The following DGKE variants were observed in gnomAD, a reference collection of about 807,000 sequenced individuals.
DGKE encodes the protein DAG kinase epsilon.
A neutral mutation model predicts 70.0 loss-of-function variants in DGKE; 53 were observed. The ratio of observed to expected loss-of-function variants is 0.76; its 90% CI spans 0.61 to 0.95. DGKE has a LOEUF of 0.95. Ranked by LOEUF, DGKE falls within the 40% of genes least tolerant of loss-of-function variation. DGKE has a pLI of 0.00. For missense variants in DGKE, 655 were observed against 706.9 expected, an observed-to-expected ratio of 0.93 and a Z score of 0.83; for synonymous variants, 291 against 257.0, an observed-to-expected ratio of 1.13 and a Z score of -1.27.
At chr17:56,853,146 T>C (rs962004371) in intron 7 of DGKE, among the ~76,000 whole-genome samples, 2 of 152,216 alleles carry the variant, frequency 1.3e-5, no homozygotes, top group Non-Finnish European at 2.9e-5. Flanking sequence ...ATAAGATTAT[T>C]GGTTGTTATT....
At position 56,869,045 on chromosome 17, in the gene DGKE, C is replaced by CACTGGGCAGTT. The variant is rs57702000; in HGVS notation, c.*6257_*6258insGGGCAGTTACT. On this transcript the variant is annotated 3_prime_UTR_variant, in exon 12 of 12. Transcript: ENST00000284061. Reference sequence around the variant, plus strand: ...CCCAGCCTCTACTACTGTAACTTAACACTTGTTCTTCCTGAGCCTCAAATT... The same window carrying CACTGGGCAGTT: ...CCCAGCCTCTACTACTGTAACTTAACACTGGGCAGTTACTTGTTCTTCCTGAGCCTCAAATT... 0.73 allele frequency: 110,870 copies of CACTGGGCAGTT among 151,690 alleles called. 40,731 individuals carry two copies. Among genetic ancestry groups the CACTGGGCAGTT allele is most frequent in the East Asian group, 0.91 (4,694 of 5,162 alleles). The allele number at this position is 151,690 out of a possible 1,614,324, so 9.4% of individuals were successfully genotyped here.
At chr17:56,834,721 G>C (rs1906454512) in intron 1 of DGKE, 57 bp from the exon 2 acceptor site, 1 of 1,474,046 alleles carries the variant, frequency 6.8e-7, no homozygotes, top group East Asian at 2.3e-5. Flanking sequence ...AAGGCAGGAA[G>C]GGGGCGGGGA....
chr17:56,859,175 AT>A lies in DGKE; in HGVS notation c.1284+512del, dbSNP rs1908130902. Among the ~76,000 whole-genome samples the A allele has an allele frequency of 2.8e-5, 4 of 143,630 alleles. No individual in the cohort carries two copies. The South Asian group carries it at 9.0e-4, about 32-fold the overall frequency. The allele number at this position is 143,630 out of a possible 152,430, so 94.2% of individuals were successfully genotyped here. On this transcript the variant is annotated intron_variant, in intron 9 of 11. Coordinates refer to ENST00000284061, the MANE Select transcript of DGKE (RefSeq NM_003647.3). ...AATGTATAAATACAAAAAAAAAAAA[AT>A]TAGCCAGGCGTGGTGGCGGGCGCCT...
chr17:56,861,769 A>C (rs1908304829), intron 9 of DGKE, 22 bp from the exon 10 acceptor site: 1 of 1,609,472 alleles, frequency 6.2e-7, no homozygotes, highest in Middle Eastern at 1.7e-4. Context: ...TGTAGTCACT[A>C]TCTATTTGTA....
At position 56,863,226 on chromosome 17, in the gene DGKE, C is replaced by G. The variant is rs1356634444; in HGVS notation, c.*435C>G. ...TTTTTTGAAAGGAAATGATTACTGTCAAACCAGCATGGTTAATTGTGAGCA... is the reference window on the plus strand; with the variant it reads ...TTTTTTGAAAGGAAATGATTACTGTGAAACCAGCATGGTTAATTGTGAGCA... On this transcript the variant is annotated 3_prime_UTR_variant, in exon 12 of 12. Transcript: ENST00000284061. 6.5e-6 allele frequency: 1 copy of G among 152,918 alleles called. No individual in the cohort carries two copies. The highest frequency in any genetic ancestry group is 1.5e-5 in the Non-Finnish European group (1 of 68,564). 9.5% of individuals were successfully genotyped at this position (152,918 alleles called of 1,614,324 possible). A position where few individuals can be genotyped will look rare whatever the true frequency, so the allele number is the denominator to read the frequency against.
chr17:56,835,614 A>G (rs1906563710), intron 2 of DGKE: 1 of 374,174 alleles, frequency 2.7e-6, no homozygotes, highest in African/African-American at 2.1e-5. Context: ...AAAATGAAAT[A>G]TGGACAAATT....
intron 7 of DGKE, among the ~76,000 whole-genome samples, chr17:56,850,362 G>A (rs1663895460): frequency 6.6e-6 from 1 of 152,068 alleles, no homozygotes; most frequent in South Asian, 2.1e-4. Context: ...CGAACTCCTA[G>A]GCTCAAGCAA....
rs1908567661 is a variant in DGKE, at chr17:56,867,435, A to C, written c.*4644A>C. 6.6e-6 allele frequency: 1 copy of C among 152,154 alleles called. No individual in the cohort carries two copies. The highest frequency in any genetic ancestry group is 2.1e-4 in the South Asian group (1 of 4,826). The allele number at this position is 152,154 out of a possible 1,614,324, so 9.4% of individuals were successfully genotyped here. ...GTCAACATGGTGAAACGCCGTCTCT[A>C]CTAAAAATACAAAAAAAATTAGCCA... On this transcript the variant is annotated 3_prime_UTR_variant, in exon 12 of 12. Transcript: ENST00000284061.
intron 2 of DGKE, among the ~76,000 whole-genome samples, chr17:56,839,530 T>G (rs769570698): frequency 9.2e-5 from 14 of 152,144 alleles, no homozygotes; most frequent in Non-Finnish European, 2.1e-4. Flanking sequence ...TTTATTTTGT[T>G]TTTTGAGACA....
chr17:56,868,405 C>T lies in DGKE; in HGVS notation c.*5614C>T, dbSNP rs1010110448. 6.6e-6 allele frequency: 1 copy of T among 152,258 alleles called. No homozygotes were observed. The highest frequency in any genetic ancestry group is 1.5e-5 in the Non-Finnish European group (1 of 68,078). 9.4% of individuals were successfully genotyped at this position (152,258 alleles called of 1,614,324 possible). A position where few individuals can be genotyped will look rare whatever the true frequency, so the allele number is the denominator to read the frequency against. On this transcript the variant is annotated 3_prime_UTR_variant, in exon 12 of 12. Coordinates refer to ENST00000284061, the MANE Select transcript of DGKE (RefSeq NM_003647.3). ...GCAGCCTAGCTCGAGTCCTCAACCC[C>T]AGTCCTCTTAGAAGTGAACTGATTG...
chr17:56,846,793 C>CA (rs368842427), intron 4 of DGKE, among the ~76,000 whole-genome samples: 422 of 152,248 alleles, frequency 2.8e-3, no homozygotes, highest in African/African-American at 9.9e-3. Context: ...TTTCTCCATA[C>CA]AAATACATCA....
chr17:56,852,392 G>C (rs566454538), intron 7 of DGKE, among the ~76,000 whole-genome samples: 1 of 142,460 alleles, frequency 7.0e-6, no homozygotes, highest in Admixed American at 7.4e-5. Context: ...TACCCTGGGC[G>C]ACAGAGCAAG....
intron 2 of DGKE, chr17:56,838,644 C>G (rs1419850251): frequency 6.6e-6 from 1 of 151,004 alleles, no homozygotes; most frequent in Non-Finnish European, 1.5e-5. Context: ...CTATTGTGAC[C>G]AGGTAATTTT....
In DGKE at chr17:56,861,867, G is replaced by A. The variant is rs765623858; in HGVS notation, c.1361G>A (p.Gly454Asp). 2 of 1,613,968 alleles carry A rather than the reference G, an allele frequency of 1.2e-6. No individual in the cohort carries two copies. Among genetic ancestry groups the A allele is most frequent in the Non-Finnish European group, 1.7e-6 (2 of 1,179,954 alleles). ...IIVLNIGYWG[G>D]GCRLWEGMGD... ...GTTCTGAACATCGGATACTGGGGCG[G>A]TGGCTGCAGACTATGGGAAGGGATG... Residue 454 changes from glycine to aspartate, a missense_variant, in exon 10 of 12, where the codon GGT (glycine) becomes GAT (aspartate). Physicochemically the swap from Gly to Asp is moderately conservative, Grantham distance 94. Transcript: ENST00000284061.
rs1218740823 is a variant in DGKE, at chr17:56,867,374, CG to C, written c.*4584del. The C allele has an allele frequency of 6.6e-6, 1 of 151,808 alleles. No homozygotes were observed. The highest frequency in any genetic ancestry group is 1.5e-5 in the Non-Finnish European group (1 of 67,982). The allele number at this position is 151,808 out of a possible 1,614,324, so 9.4% of individuals were successfully genotyped here. On this transcript the variant is annotated 3_prime_UTR_variant, in exon 12 of 12. Transcript: ENST00000284061. ...CCAGCACTTGGGGGGCTAAGGGAGG[CG>C]TATCACCTGAGGTCAGGAGTTTGAG...
intron 11 of DGKE, 141 bp downstream of exon 11, chr17:56,862,392 G>C: frequency 2.2e-6 from 2 of 905,216 alleles, no homozygotes; most frequent in Non-Finnish European, 3.3e-6. Flanking sequence ...AGCGGCTAGA[G>C]TGGGATGAGG....
intron 7 of DGKE, among the ~76,000 whole-genome samples, chr17:56,852,008 C>T (rs923798272): frequency 2.0e-5 from 3 of 152,034 alleles, no homozygotes; most frequent in Admixed American, 6.5e-5. Flanking sequence ...TTCAAGGCTG[C>T]GGTGAGCTAT....
intron 7 of DGKE, among the ~76,000 whole-genome samples, chr17:56,853,796 A>C (rs1907785535): frequency 6.6e-6 from 1 of 152,220 alleles, no homozygotes; most frequent in Non-Finnish European, 1.5e-5. Context: ...ATGTTCCAGC[A>C]ATCCCATTTA....
intron 7 of DGKE, 82 bp from the exon 8 acceptor site, chr17:56,856,430 C>A: frequency 7.0e-7 from 1 of 1,428,292 alleles, no homozygotes; most frequent in Non-Finnish European, 9.4e-7. Flanking sequence ...CAAAAGAACA[C>A]AAAGACTAAG....
Sources: allele counts gnomAD v4.1 joint callset (sites outside exome capture counted in the v4.1 genomes callset), GRCh38; gene constraint gnomAD v4.1.1; transcripts MANE v1.5; gene names NCBI Gene and HGNC (gene_info 2026-07-23, HGNC 2026-07-21).